The following KHDRBS2 variants were observed in gnomAD, a reference collection of about 807,000 sequenced individuals.
The protein encoded by KHDRBS2 is KH domain-containing, RNA-binding, signal transduction-associated protein 2.
KHDRBS2 carries 26 observed loss-of-function variants against 44.3 expected under a neutral mutation model. That is an observed-to-expected ratio of 0.59 (90% CI 0.43 to 0.81). KHDRBS2 has a LOEUF of 0.81. Among genes scored for constraint, KHDRBS2 ranks in the 40% least tolerant of loss-of-function variants. KHDRBS2 has a pLI of 0.00. For synonymous variants in KHDRBS2, 194 were observed against 151.1 expected (o/e 1.28, Z -2.08); for missense variants, 476 against 433.1 (o/e 1.10, Z -0.88).
chr6:61,566,029 A>G, the KHDRBS2 span, among the ~76,000 whole-genome samples: 3 of 146,254 alleles, frequency 2.1e-5, no homozygotes, highest in African/African-American at 7.6e-5. Flanking sequence ...GTGTGTGTGC[A>G]TGTGTGTGTA....
intron 2 of KHDRBS2, among the ~76,000 whole-genome samples, chr6:62,098,088 C>T (rs936143801): frequency 2.0e-5 from 3 of 152,048 alleles, no homozygotes; most frequent in African/African-American, 7.2e-5. Context: ...TTTCAAATTG[C>T]CTATATTTTC....
the KHDRBS2 span, among the ~76,000 whole-genome samples, chr6:61,626,992 G>A: frequency 4.3e-4 from 65 of 152,140 alleles, no homozygotes; most frequent in East Asian, 5.8e-3. Flanking sequence ...GGTGGCTCAC[G>A]CCTGTAATCC....
At chr6:61,690,346 G>A (rs867775947) in intron 8 of KHDRBS2, among the ~76,000 whole-genome samples, 1 of 151,596 alleles carries the variant, frequency 6.6e-6, no homozygotes, top group South Asian at 2.1e-4. Context: ...TCTTGTACAT[G>A]ATCTGTTCAT....
At position 61,828,317 on chromosome 6, in the gene KHDRBS2, A is replaced by G. The variant is rs868039937; in HGVS notation, c.810+66318T>C. Among the ~76,000 whole-genome samples, 3 of 152,206 alleles carry G rather than the reference A, an allele frequency of 2.0e-5. No homozygotes were observed. In the South Asian group the frequency reaches 6.2e-4, roughly 31 times the overall value. ...GTTTCCCAATTTTGATAAAGTCTATAAAGAAAAGGTGCTGGTATCTTAAGA... is the reference window on the plus strand; with the variant it reads ...GTTTCCCAATTTTGATAAAGTCTATGAAGAAAAGGTGCTGGTATCTTAAGA... On this transcript the variant is annotated intron_variant, in intron 6 of 8. Transcript: ENST00000281156.
At chr6:62,035,707 T>A (rs954335578) in intron 3 of KHDRBS2, among the ~76,000 whole-genome samples, 8 of 152,050 alleles carry the variant, frequency 5.3e-5, no homozygotes, top group African/African-American at 1.9e-4. Flanking sequence ...CCATTTTACA[T>A]GATGTGATTA....
chr6:62,263,813 C>T (rs1838753571), intron 1 of KHDRBS2, among the ~76,000 whole-genome samples: 1 of 151,624 alleles, frequency 6.6e-6, no homozygotes, highest in South Asian at 2.1e-4. Context: ...TACATCCTTG[C>T]CATAGAGTAA....
the KHDRBS2 span, among the ~76,000 whole-genome samples, chr6:61,599,833 C>A: frequency 6.6e-6 from 1 of 152,314 alleles, no homozygotes; most frequent in East Asian, 1.9e-4. Flanking sequence ...ACCTGAAAAT[C>A]AGGTCCCCCA....
intron 4 of KHDRBS2, among the ~76,000 whole-genome samples, chr6:61,942,687 G>A (rs1583634981): frequency 6.6e-6 from 1 of 152,178 alleles, no homozygotes; most frequent in South Asian, 2.1e-4. Context: ...GCATTTCCAA[G>A]TCTAGCGAGA....
At chr6:62,149,035 T>C (rs143650040) in intron 2 of KHDRBS2, among the ~76,000 whole-genome samples, 1 of 152,226 alleles carries the variant, frequency 6.6e-6, no homozygotes, top group African/African-American at 2.4e-5. Flanking sequence ...CTTTAAATAT[T>C]GAGGTCCTTA....
intron 1 of KHDRBS2, among the ~76,000 whole-genome samples, chr6:62,184,230 A>G (rs997508113): frequency 3.3e-5 from 5 of 151,740 alleles, no homozygotes; most frequent in African/African-American, 1.2e-4. Context: ...TAAAAGGGCA[A>G]ATAGACTACA....
At chr6:61,676,805 T>A (rs1765971752), downstream of KHDRBS2, among the ~76,000 whole-genome samples, 1 of 151,774 alleles carries the variant, frequency 6.6e-6, no homozygotes, top group Admixed American at 6.6e-5. Flanking sequence ...AGTGACACAG[T>A]GTATAGAACC....
chr6:61,747,650 C>T lies in KHDRBS2; in HGVS notation c.811-14886G>A, dbSNP rs545976495. On this transcript the variant is annotated intron_variant, in intron 6 of 8. Transcript: ENST00000281156. The stretch of plus-strand genomic sequence containing the variant: ...ATTTCCATGGTGGCTATTTTTCTAT[C>T]ATATGGTACCGAATGTTACAAAAAT... Among the ~76,000 whole-genome samples the T allele has an allele frequency of 1.2e-4, 18 of 152,182 alleles. No individual in the cohort carries two copies. In the East Asian group the frequency reaches 3.5e-3, roughly 29 times the overall value.
chr6:61,797,512 C>G (rs1436982998), intron 6 of KHDRBS2, among the ~76,000 whole-genome samples: 1 of 152,046 alleles, frequency 6.6e-6, no homozygotes, highest in Non-Finnish European at 1.5e-5. Context: ...AAGCACTTAG[C>G]AAGTACCAGG....
intron 7 of KHDRBS2, among the ~76,000 whole-genome samples, chr6:61,726,263 G>T (rs1406188661): frequency 6.6e-6 from 1 of 151,966 alleles, no homozygotes; most frequent in Non-Finnish European, 1.5e-5. Context: ...GATACTAAAG[G>T]AACATACCTC....
At chr6:61,565,089 T>A in the KHDRBS2 span, among the ~76,000 whole-genome samples, 1 of 152,158 alleles carries the variant, frequency 6.6e-6, no homozygotes, top group Non-Finnish European at 1.5e-5. Flanking sequence ...TTTCAACAAA[T>A]GGTGCTAGGA....
At chr6:61,610,823 G>C in the KHDRBS2 span, among the ~76,000 whole-genome samples, 2 of 152,188 alleles carry the variant, frequency 1.3e-5, no homozygotes, top group African/African-American at 4.8e-5. Flanking sequence ...CTCACACGTT[G>C]AGAAGTACCA....
chr6:61,894,694 G>T lies in KHDRBS2; in HGVS notation c.751C>A (p.Pro251Thr), dbSNP rs141947594. 4.0e-5 allele frequency: 64 copies of T among 1,613,408 alleles called. 1 individual carries two copies. In the African/African-American group the frequency reaches 8.0e-4, roughly 20 times the overall value. The change falls in exon 6 of 9, where the codon CCA becomes ACA. Residue 251 changes from proline to threonine, a missense_variant. Pro to Thr is a conservative substitution (Grantham distance 38). Coordinates refer to ENST00000281156, the MANE Select transcript of KHDRBS2 (RefSeq NM_152688.4). ...GGTGCCCTGTATCCTGGCACTGTTG[G>T]TGCCCCCCGGGCTCGAGGGGTAGGG... is the stretch of plus-strand genomic sequence containing the variant. Reference protein sequence around the residue: ...GVPTPRARGAPTVPGYRAPPP... With the variant: ...GVPTPRARGATTVPGYRAPPP...
At chr6:61,801,255 C>T (rs2025141) in intron 6 of KHDRBS2, among the ~76,000 whole-genome samples, 24,238 of 151,664 alleles carry the variant, frequency 0.16, 2,430 homozygotes, top group East Asian at 0.29. Context: ...AGGTCATATC[C>T]TAGGAATTAT....
At chr6:62,095,255 G>T (rs208976) in intron 2 of KHDRBS2, among the ~76,000 whole-genome samples, 25,803 of 151,658 alleles carry the variant, frequency 0.17, 2,526 homozygotes, top group African/African-American at 0.27. Flanking sequence ...AGTAAAAGGA[G>T]CTCTACAATG....
Sources: gnomAD v4.1 joint callset for allele counts (sites outside exome capture counted in the v4.1 genomes callset) on GRCh38, gnomAD v4.1.1 for gene constraint, MANE v1.5 for transcripts, NCBI Gene and HGNC (gene_info 2026-07-23, HGNC 2026-07-21) for gene names.